PPFIBP1: variants seen among roughly 807,000 people sequenced by gnomAD.
PPFIBP1 encodes the protein liprin-beta-1.
A neutral mutation model predicts 137.8 loss-of-function variants in PPFIBP1; 112 were observed. That is an observed-to-expected ratio of 0.81 (90% CI 0.70 to 0.95). The LOEUF (loss-of-function observed/expected upper bound fraction) is 0.95. Among genes scored for constraint, PPFIBP1 ranks in the 40% least tolerant of loss-of-function variants. The pLI is 0.00. For missense variants in PPFIBP1, 1,083 were observed against 1,196.6 expected (o/e 0.91, Z 1.40); for synonymous variants, 378 against 417.3 (o/e 0.91, Z 1.15).
At chr12:27,599,910 T>A (rs1337189476) in intron 2 of PPFIBP1, among the ~76,000 whole-genome samples, 1 of 152,196 alleles carries the variant, frequency 6.6e-6, no homozygotes, top group African/African-American at 2.4e-5. Context: ...AAATGGAATA[T>A]GTGATTCTAG....
intron 24 of PPFIBP1, among the ~76,000 whole-genome samples, chr12:27,684,259 C>A (rs1314810216): frequency 6.6e-6 from 1 of 152,070 alleles, no homozygotes; most frequent in East Asian, 1.9e-4. Flanking sequence ...CAGGTGCACA[C>A]CACTGCTCCT....
chr12:27,688,132 T>C, intron 25 of PPFIBP1, 166 bp from the exon 26 acceptor site: 1 of 780,944 alleles, frequency 1.3e-6, no homozygotes. Flanking sequence ...TTTATTAGTA[T>C]ATAAGAAAGC....
intron 21 of PPFIBP1, among the ~76,000 whole-genome samples, chr12:27,680,689 A>T (rs74077236): frequency 0.044 from 6,686 of 152,292 alleles, 479 homozygotes; most frequent in African/African-American, 0.15. Context: ...TTTATCCATT[A>T]AGATTCTAAG....
chr12:27,537,064 G>A (rs77279066), intron 1 of PPFIBP1, among the ~76,000 whole-genome samples: 10 of 152,064 alleles, frequency 6.6e-5, no homozygotes, highest in African/African-American at 1.9e-4. Flanking sequence ...ATCTGGGTTC[G>A]CATCCTCCTT....
rs372710581 is a variant in PPFIBP1 at position 27,630,205 on chromosome 12, A to T, written c.-35-3157A>T. Among the ~76,000 whole-genome samples, 19 of 152,126 alleles carry T rather than the reference A, an allele frequency of 1.2e-4. No individual in the cohort carries two copies. The East Asian group carries it at 3.3e-3, about 26-fold the overall frequency. On this transcript the variant is annotated intron_variant, in intron 2 of 29. Coordinates refer to ENST00000228425, the MANE Select transcript of PPFIBP1 (RefSeq NM_003622.4). The stretch of plus-strand genomic sequence containing the variant: ...GACTTAAATCCAACCTTATCAGTAG[A>T]TTTAAATCCAACCAGGTCAACCATA...
intron 1 of PPFIBP1, among the ~76,000 whole-genome samples, chr12:27,525,345 T>C (rs1943602273): frequency 6.6e-6 from 1 of 151,988 alleles, no homozygotes; most frequent in Non-Finnish European, 1.5e-5. Context: ...TTCTGATTTT[T>C]GTTTATTTCC....
At chr12:27,545,418 A>C (rs1946131354) in intron 1 of PPFIBP1, among the ~76,000 whole-genome samples, 1 of 152,210 alleles carries the variant, frequency 6.6e-6, no homozygotes, top group South Asian at 2.1e-4. Flanking sequence ...CTGAGATAAC[A>C]ATCCAGTTGG....
intron 11 of PPFIBP1, among the ~76,000 whole-genome samples, chr12:27,662,125 T>C (rs2059591863): frequency 6.6e-6 from 1 of 152,132 alleles, no homozygotes. Flanking sequence ...TTCAGAAGAC[T>C]TCAAAGAGGA....
chr12:27,559,348 T>G (rs936114434), intron 1 of PPFIBP1, among the ~76,000 whole-genome samples: 2 of 152,022 alleles, frequency 1.3e-5, no homozygotes, highest in Non-Finnish European at 2.9e-5. Flanking sequence ...TTTGTATTTT[T>G]AGTAGAGACG....
At chr12:27,634,789 C>A in intron 3 of PPFIBP1, 121 bp from the exon 4 acceptor site, 1 of 837,422 alleles carries the variant, frequency 1.2e-6, no homozygotes, top group Non-Finnish European at 1.9e-6. Context: ...TGATTGAATT[C>A]TCTTTTTTCT....
intron 27 of PPFIBP1, among the ~76,000 whole-genome samples, chr12:27,691,261 A>G (rs969468510): frequency 1.3e-5 from 2 of 151,734 alleles, no homozygotes; most frequent in Non-Finnish European, 2.9e-5. Flanking sequence ...GAGAAATCTC[A>G]TTGCATTAAG....
chr12:27,670,647 G>A (rs920411523), intron 13 of PPFIBP1, among the ~76,000 whole-genome samples: 4 of 152,052 alleles, frequency 2.6e-5, no homozygotes, highest in Non-Finnish European at 4.4e-5. Flanking sequence ...CTGTGGTGGC[G>A]CACGCCTGTA....
intron 4 of PPFIBP1, among the ~76,000 whole-genome samples, chr12:27,639,524 G>A (rs7303894): frequency 0.59 from 88,990 of 151,534 alleles, 26,612 homozygotes; most frequent in Admixed American, 0.65. Context: ...AAGGTGTCTG[G>A]CTATTTGGCA....
At chr12:27,682,035 G>A (rs201294988) in intron 22 of PPFIBP1, among the ~76,000 whole-genome samples, 118 of 146,260 alleles carry the variant, frequency 8.1e-4, no homozygotes, top group Non-Finnish European at 8.4e-4. Context: ...CTTTGCAAAA[G>A]AAAAAAAAAA....
intron 2 of PPFIBP1, among the ~76,000 whole-genome samples, chr12:27,628,501 T>C (rs2057016813): frequency 6.6e-6 from 1 of 152,180 alleles, no homozygotes; most frequent in Non-Finnish European, 1.5e-5. Context: ...GTTGTAATTT[T>C]CTAAGGGGTT....
chr12:27,526,455 A>G (rs1217319372), intron 1 of PPFIBP1, among the ~76,000 whole-genome samples: 1 of 150,922 alleles, frequency 6.6e-6, no homozygotes, highest in Non-Finnish European at 1.5e-5. Context: ...TACTTAAAAG[A>G]TGTTTGAGTT....
At chr12:27,550,150 T>G (rs1444571849) in intron 1 of PPFIBP1, among the ~76,000 whole-genome samples, 1 of 152,226 alleles carries the variant, frequency 6.6e-6, no homozygotes, top group Non-Finnish European at 1.5e-5. Context: ...TCAGGCAAAC[T>G]TTGAACCCGA....
intron 26 of PPFIBP1, among the ~76,000 whole-genome samples, 155 bp downstream of exon 26, chr12:27,688,578 T>C (rs2061331811): frequency 6.6e-6 from 1 of 152,266 alleles, no homozygotes; most frequent in Admixed American, 6.5e-5. Flanking sequence ...AGTATTTGTA[T>C]TGATATCTTA....
At chr12:27,641,196 A>G (rs1165441404) in intron 4 of PPFIBP1, among the ~76,000 whole-genome samples, 1 of 152,208 alleles carries the variant, frequency 6.6e-6, no homozygotes, top group Non-Finnish European at 1.5e-5. Context: ...ATTTTAATTT[A>G]GATACTTACC....
Sources: gnomAD v4.1 joint callset for allele counts (sites outside exome capture counted in the v4.1 genomes callset) on GRCh38, gnomAD v4.1.1 for gene constraint, MANE v1.5 for transcripts, NCBI Gene and HGNC (gene_info 2026-07-23, HGNC 2026-07-21) for gene names.